Variants in CNTN4 observed in about 807,000 individuals in gnomAD.
CNTN4 encodes contactin-4.
A neutral mutation model predicts 122.5 loss-of-function variants in CNTN4; 77 were observed. The observed-to-expected ratio is 0.63, with a 90% CI of 0.52 to 0.76. The LOEUF (loss-of-function observed/expected upper bound fraction) is 0.76. Among genes scored for constraint, CNTN4 ranks in the 30% least tolerant of loss-of-function variants. The pLI, the probability that CNTN4 is intolerant of heterozygous loss-of-function variation, is 0.00. For missense variants in CNTN4, 1,256 were observed against 1,259.1 expected (o/e 1.00, Z 0.04); for synonymous variants, 512 against 447.0 (o/e 1.15, Z -1.83).
chr3:2,910,292 C>A (rs1227279582), intron 12 of CNTN4, among the ~76,000 whole-genome samples: 1 of 152,190 alleles, frequency 6.6e-6, no homozygotes, highest in Non-Finnish European at 1.5e-5. Context: ...AAATATTACT[C>A]TAGAATGCAG....
At chr3:2,568,173 TGTA>T in intron 3 of CNTN4, among the ~76,000 whole-genome samples, 1 of 152,138 alleles carries the variant, frequency 6.6e-6, no homozygotes, top group African/African-American at 2.4e-5. Context: ...AGGCCCTGCA[TGTA>T]GATTCTTGGA....
chr3:2,915,776 A>G (rs2094347178), intron 12 of CNTN4, among the ~76,000 whole-genome samples: 1 of 152,238 alleles, frequency 6.6e-6, no homozygotes, highest in South Asian at 2.1e-4. Flanking sequence ...ATTATTCACA[A>G]TAGTCAGGAG....
At chr3:2,949,808 T>G (rs1439121261) in intron 13 of CNTN4, among the ~76,000 whole-genome samples, 2 of 152,236 alleles carry the variant, frequency 1.3e-5, no homozygotes, top group Non-Finnish European at 2.9e-5. Flanking sequence ...TTTGGTCTAT[T>G]TTAGTTACTT....
chr3:2,498,493 T>C (rs572347635), intron 3 of CNTN4, among the ~76,000 whole-genome samples: 2 of 141,068 alleles, frequency 1.4e-5, no homozygotes, highest in African/African-American at 4.9e-5. Context: ...TTGTTGTTGT[T>C]GGAGACAGGA....
At chr3:2,628,868 G>C (rs1396041977) in intron 4 of CNTN4, among the ~76,000 whole-genome samples, 2 of 152,110 alleles carry the variant, frequency 1.3e-5, no homozygotes, top group Non-Finnish European at 2.9e-5. Context: ...AACCCAAAAG[G>C]GTTTTTTTGT....
At chr3:2,774,046 C>T (rs565211213) in intron 6 of CNTN4, among the ~76,000 whole-genome samples, 1 of 152,234 alleles carries the variant, frequency 6.6e-6, no homozygotes, top group East Asian at 1.9e-4. Flanking sequence ...AGGCATAAGC[C>T]ACCATGCCCA....
intron 3 of CNTN4, among the ~76,000 whole-genome samples, chr3:2,383,352 A>T (rs1185269578): frequency 6.6e-6 from 1 of 152,214 alleles, no homozygotes; most frequent in African/African-American, 2.4e-5. Context: ...GATGATGATG[A>T]AAGTGAGAAT....
At chr3:2,242,737 A>G (rs533105852) in intron 2 of CNTN4, among the ~76,000 whole-genome samples, 2 of 152,242 alleles carry the variant, frequency 1.3e-5, no homozygotes, top group African/African-American at 2.4e-5. Flanking sequence ...ATGGGAGTAA[A>G]ACCTATAAGG....
intron 4 of CNTN4, among the ~76,000 whole-genome samples, chr3:2,603,918 C>T (rs777242781): frequency 1.3e-5 from 2 of 152,148 alleles, no homozygotes; most frequent in Non-Finnish European, 2.9e-5. Flanking sequence ...TGACTCACAG[C>T]GCATTATCCA....
At chr3:2,634,700 A>G (rs1367399500) in intron 4 of CNTN4, among the ~76,000 whole-genome samples, 3 of 146,638 alleles carry the variant, frequency 2.0e-5, no homozygotes, top group Admixed American at 1.4e-4. Context: ...ATATATATAT[A>G]TATATGTTAG....
intron 2 of CNTN4, among the ~76,000 whole-genome samples, chr3:2,187,187 C>G (rs960499027): frequency 6.6e-6 from 1 of 152,136 alleles, no homozygotes; most frequent in African/African-American, 2.4e-5. Flanking sequence ...AATAGGGAAT[C>G]CTTTCCGCAT....
chr3:2,112,524 GT>G (rs2033041727), intron 2 of CNTN4, among the ~76,000 whole-genome samples: 1 of 152,052 alleles, frequency 6.6e-6, no homozygotes, highest in Non-Finnish European at 1.5e-5. Flanking sequence ...CTTCCTATGT[GT>G]TTTTACAGCC....
intron 2 of CNTN4, among the ~76,000 whole-genome samples, chr3:2,307,960 C>G (rs1216195999): frequency 6.6e-6 from 1 of 151,988 alleles, no homozygotes; most frequent in Admixed American, 6.6e-5. Context: ...GGAAGTGTTT[C>G]TTTGTCTTCT....
At chr3:2,897,501 G>A (rs1445107484) in intron 10 of CNTN4, among the ~76,000 whole-genome samples, 2 of 151,958 alleles carry the variant, frequency 1.3e-5, no homozygotes, top group Non-Finnish European at 2.9e-5. Flanking sequence ...ACCTGTTCAG[G>A]CCTTCCTCTG....
At chr3:2,186,897 A>G (rs896851271) in intron 2 of CNTN4, among the ~76,000 whole-genome samples, 1 of 151,970 alleles carries the variant, frequency 6.6e-6, no homozygotes, top group African/African-American at 2.4e-5. Context: ...TCTGATGGTG[A>G]TTTCTTTTGC....
chr3:2,886,959 A>G (rs1358903370), intron 9 of CNTN4, 81 bp from the exon 10 acceptor site: 3 of 1,235,706 alleles, frequency 2.4e-6, no homozygotes, highest in Non-Finnish European at 2.3e-6. Flanking sequence ...TATGTGTAGA[A>G]CCAAGAAGGA....
chr3:2,482,596 G>A (rs992266830), intron 3 of CNTN4, among the ~76,000 whole-genome samples: 1 of 152,176 alleles, frequency 6.6e-6, no homozygotes, highest in Non-Finnish European at 1.5e-5. Context: ...GGCCTAGAAG[G>A]GAAATATGGT....
chr3:2,451,065 C>G (rs1213041810), intron 3 of CNTN4, among the ~76,000 whole-genome samples: 3 of 152,046 alleles, frequency 2.0e-5, no homozygotes, highest in South Asian at 2.1e-4. Context: ...TTTCTATGAC[C>G]TAAAAGAAGA....
rs574736039 is a variant in CNTN4 at position 2,225,267 on chromosome 3, C to G, written c.-144-113911C>G. ...CATTGGCTCACACCTGCAATCCCAG[C>G]ATTTTGGGAGGCCGAGGCGGGTGGA... On this transcript the variant is annotated intron_variant, in intron 2 of 24. Transcript: ENST00000418658. Among the ~76,000 whole-genome samples, 457 of 151,782 alleles carry G rather than the reference C, an allele frequency of 3.0e-3. 3 individuals carry two copies. The highest frequency in any genetic ancestry group is 0.011 in the African/African-American group (436 of 41,352).
Sources: gnomAD v4.1 joint callset for allele counts (sites outside exome capture counted in the v4.1 genomes callset) on GRCh38, gnomAD v4.1.1 for gene constraint, MANE v1.5 for transcripts, NCBI Gene and HGNC (gene_info 2026-07-23, HGNC 2026-07-21) for gene names.